SPECC1L: variants seen among roughly 807,000 people sequenced by gnomAD.
SPECC1L encodes cytospin-A.
In SPECC1L, 40 loss-of-function variants were observed where a neutral mutation model predicts 116.8. The ratio of observed to expected loss-of-function variants is 0.34; its 90% CI spans 0.27 to 0.45. The LOEUF is 0.45. Among genes scored for constraint, SPECC1L ranks in the 20% least tolerant of loss-of-function variants. The probability of loss-of-function intolerance (pLI) is 1.00; values close to 1 mark genes in which losing one functional copy is unlikely to be tolerated. For missense variants in SPECC1L, 1,110 were observed against 1,373.6 expected (o/e 0.81, Z 3.03); for synonymous variants, 504 against 500.6 (o/e 1.01, Z -0.09).
intron 12 of SPECC1L, among the ~76,000 whole-genome samples, chr22:24,363,841 T>C (rs2041693735): frequency 6.6e-6 from 1 of 151,270 alleles, no homozygotes; most frequent in African/African-American, 2.4e-5. Flanking sequence ...AGGGCATTGC[T>C]TTACTAATGC....
intron 14 of SPECC1L, among the ~76,000 whole-genome samples, chr22:24,389,300 A>G (rs2042221254): frequency 6.6e-6 from 1 of 151,784 alleles, no homozygotes. Context: ...TATTTTTAGT[A>G]GGGACAGGGT....
intron 10 of SPECC1L, among the ~76,000 whole-genome samples, chr22:24,345,514 G>T (rs1428079687): frequency 6.6e-6 from 1 of 152,176 alleles, no homozygotes; most frequent in African/African-American, 2.4e-5. Flanking sequence ...GCAAGCTACA[G>T]ACTGGGGAGA....
Position 24,307,899 on chromosome 22 carries a change from T to C in SPECC1L, c.154-5414T>C, listed in dbSNP as rs2049533845. ...TTCATATTTAGATCCTCAATCTGTC[T>C]GGAAATAATCATGTAAAATCTTTTT... On this transcript the variant is annotated intron_variant, in intron 3 of 16. Transcript: ENST00000314328. 1.3e-5 allele frequency among the ~76,000 whole-genome samples: 2 copies of C among 152,064 alleles called. 1 individual carries two copies. Among genetic ancestry groups the C allele is most frequent in the South Asian group, 4.2e-4 (2 of 4,818 alleles).
chr22:24,288,497 T>G (rs1281454101), intron 2 of SPECC1L, among the ~76,000 whole-genome samples: 1 of 152,118 alleles, frequency 6.6e-6, no homozygotes, highest in Non-Finnish European at 1.5e-5. Flanking sequence ...ATTAATTTCT[T>G]TTTAACCTAA....
rs1335019422 is a variant in SPECC1L, at chr22:24,365,630, A to G, written c.2982A>G (p.Ile994Met). 1.6e-5 allele frequency: 26 copies of G among 1,614,012 alleles called. No individual in the cohort carries two copies. Among genetic ancestry groups the G allele is most frequent in the Non-Finnish European group, 2.1e-5 (25 of 1,180,022 alleles). Residue 994 changes from isoleucine (I) to methionine (M), a missense_variant and splice_region_variant, in exon 13 of 17, where the codon ATA becomes ATG. By Grantham distance (10) the Ile-to-Met change is conservative. Around this residue, in one of 4 missense-constraint regions of SPECC1L, gnomAD observed 575 missense variants for 682.4 expected, o/e 0.84. Coordinates refer to ENST00000314328, the MANE Select transcript of SPECC1L (RefSeq NM_015330.6). ...TGACTCCCACCACCCGAAGCCGAAT[A>G]AGGTAGAGAACAGTTAATATTCATG... is the stretch of plus-strand genomic sequence containing the variant. ...ASVTPTTRSR[I>M]REERKDPLSA...
intron 2 of SPECC1L, among the ~76,000 whole-genome samples, chr22:24,291,920 TTAAA>T (rs1274226927): frequency 6.6e-6 from 1 of 152,210 alleles, no homozygotes; most frequent in African/African-American, 2.4e-5. Flanking sequence ...GAATTATTAA[TTAAA>T]TAGGAAATTT....
Position 24,365,624 on chromosome 22 carries a change from C to A in SPECC1L, c.2976C>A (p.Ser992Arg). ...PTASVTPTTR[S>R]RIREERKDPL... is the part of the protein sequence containing the mutation. ...CATCTGTGACTCCCACCACCCGAAG[C>A]CGAATAAGGTAGAGAACAGTTAATA... is the stretch of plus-strand genomic sequence containing the variant. Residue 992 changes from serine to arginine, a missense_variant, in exon 13 of 17, where the codon AGC (serine) becomes AGA (arginine). This residue lies in a region of SPECC1L where 575 missense variants were observed against 682.4 expected (regional missense o/e 0.84). Coordinates refer to ENST00000314328, the MANE Select transcript of SPECC1L (RefSeq NM_015330.6). 1 of 1,614,142 alleles carries A rather than the reference C, an allele frequency of 6.2e-7. No homozygotes were observed. Among genetic ancestry groups the A allele is most frequent in the South Asian group, 1.1e-5 (1 of 91,076 alleles).
chr22:24,390,619 G>T (rs2042244380), intron 14 of SPECC1L, among the ~76,000 whole-genome samples: 1 of 152,066 alleles, frequency 6.6e-6, no homozygotes, highest in African/African-American at 2.4e-5. Flanking sequence ...TTGAACAAAG[G>T]GGAACAAGAA....
intron 12 of SPECC1L, among the ~76,000 whole-genome samples, chr22:24,364,513 A>G (rs2146628138): frequency 6.6e-6 from 1 of 152,212 alleles, no homozygotes; most frequent in Admixed American, 6.5e-5. Context: ...AAATACAAAA[A>G]TAAGCCTGGC....
chr22:24,373,126 G>A (rs2041903365), intron 14 of SPECC1L, among the ~76,000 whole-genome samples: 1 of 152,082 alleles, frequency 6.6e-6, no homozygotes. Flanking sequence ...AAATAAAAGA[G>A]GATACAAACA....
intron 2 of SPECC1L, among the ~76,000 whole-genome samples, chr22:24,299,501 C>A (rs932635428): frequency 6.6e-6 from 1 of 152,192 alleles, no homozygotes; most frequent in Admixed American, 6.5e-5. Context: ...TCTAAGTGAT[C>A]TCAAGCTGCC....
intron 10 of SPECC1L, chr22:24,343,555 G>T (rs2041225465): frequency 2.4e-6 from 1 of 423,878 alleles, no homozygotes; most frequent in East Asian, 8.5e-5. Flanking sequence ...CTGCCTCCTG[G>T]GTTCAAGTGA....
In SPECC1L at chr22:24,302,180, A is replaced by AT. The variant is rs2049394803; in HGVS notation, c.-37-8dup. The AT allele has an allele frequency of 6.9e-6, 11 of 1,603,834 alleles. No homozygotes were observed. The highest frequency in any genetic ancestry group is 9.4e-6 in the Non-Finnish European group (11 of 1,172,374). On this transcript the variant is annotated splice_polypyrimidine_tract_variant and intron_variant, in intron 2 of 16. Coordinates refer to ENST00000314328, the MANE Select transcript of SPECC1L (RefSeq NM_015330.6). Reference sequence around the variant, plus strand: ...CCAGTTATGTTCTCAGTGTAATGCCATTTTTTTCCCACAGATTTGCTTGTA... The same window carrying AT: ...CCAGTTATGTTCTCAGTGTAATGCCATTTTTTTTCCCACAGATTTGCTTGTA...
At chr22:24,370,660 A>G (rs1322460442) in intron 14 of SPECC1L, among the ~76,000 whole-genome samples, 5 of 152,256 alleles carry the variant, frequency 3.3e-5, no homozygotes, top group Non-Finnish European at 7.3e-5. Flanking sequence ...GTAGCCAAAA[A>G]GTGGAAGCAA....
chr22:24,364,143 A>G (rs1042468916), intron 12 of SPECC1L, among the ~76,000 whole-genome samples: 3 of 152,104 alleles, frequency 2.0e-5, no homozygotes, highest in South Asian at 2.1e-4. Flanking sequence ...TTACCTGGCA[A>G]TACTCAGTGC....
chr22:24,380,413 G>T (rs1009001448), intron 14 of SPECC1L, among the ~76,000 whole-genome samples: 1 of 152,146 alleles, frequency 6.6e-6, no homozygotes, highest in Non-Finnish European at 1.5e-5. Context: ...GTGACACTTA[G>T]CACATACTGC....
intron 14 of SPECC1L, among the ~76,000 whole-genome samples, chr22:24,374,880 A>G (rs1476226131): frequency 6.6e-6 from 1 of 152,082 alleles, no homozygotes; most frequent in Non-Finnish European, 1.5e-5. Flanking sequence ...TAGAAAAACA[A>G]TAGAGAAGAT....
intron 14 of SPECC1L, among the ~76,000 whole-genome samples, chr22:24,375,744 A>G (rs2041959000): frequency 6.6e-6 from 1 of 152,202 alleles, no homozygotes; most frequent in Non-Finnish European, 1.5e-5. Context: ...AGTTGAGGCC[A>G]GGAGTTCAAG....
At chr22:24,361,670 C>T (rs1345889725) in intron 11 of SPECC1L, among the ~76,000 whole-genome samples, 3 of 151,962 alleles carry the variant, frequency 2.0e-5, no homozygotes, top group African/African-American at 7.3e-5. Context: ...GTGGCTCACA[C>T]CTGTAGTCCC....
Sources: allele counts gnomAD v4.1 joint callset (sites outside exome capture counted in the v4.1 genomes callset), GRCh38; gene constraint gnomAD v4.1.1; regional missense constraint gnomAD v4.1.1; transcripts MANE v1.5; gene names NCBI Gene and HGNC (gene_info 2026-07-23, HGNC 2026-07-21).